Variants in CREB5 observed in about 807,000 individuals in gnomAD.
CREB5 encodes cyclic AMP-responsive element-binding protein 5.
A neutral mutation model predicts 57.1 loss-of-function variants in CREB5; 19 were observed. The ratio of observed to expected loss-of-function variants is 0.33; its 90% CI spans 0.23 to 0.49. The LOEUF is 0.49. Among genes scored for constraint, CREB5 ranks in the 20% least tolerant of loss-of-function variants. The pLI, the probability that CREB5 is intolerant of heterozygous loss-of-function variation, is 0.99. For missense variants in CREB5, 579 were observed against 671.6 expected, an observed-to-expected ratio of 0.86 and a Z score of 1.52; for synonymous variants, 238 against 238.3, an observed-to-expected ratio of 1.00 and a Z score of 0.01.
At chr7:28,734,206 CAAAAAAA>C (rs61403862) in intron 7 of CREB5, among the ~76,000 whole-genome samples, 86 of 96,424 alleles carry the variant, frequency 8.9e-4, no homozygotes, top group African/African-American at 1.4e-3. Context: ...TTCAGTAGTT[CAAAAAAA>C]AAAAAAAAAA....
At chr7:28,757,516 C>CA (rs1365336826) in intron 7 of CREB5, among the ~76,000 whole-genome samples, 6 of 151,676 alleles carry the variant, frequency 4.0e-5, no homozygotes, top group South Asian at 2.1e-4. Context: ...ACTAAAAATA[C>CA]AAAAAAATTA....
chr7:28,412,316 A>G (rs1237762592), upstream of CREB5, among the ~76,000 whole-genome samples: 1 of 151,734 alleles, frequency 6.6e-6, no homozygotes, highest in Non-Finnish European at 1.5e-5. Flanking sequence ...TTATCTCAGT[A>G]GCGATATTTT....
At chr7:28,518,888 CAT>C (rs552625017) in intron 4 of CREB5, among the ~76,000 whole-genome samples, 120 of 152,332 alleles carry the variant, frequency 7.9e-4, no homozygotes, top group Middle Eastern at 6.8e-3. Context: ...AAAAGTCACA[CAT>C]GACTTTATTT....
intron 1 of CREB5, among the ~76,000 whole-genome samples, chr7:28,446,484 C>T (rs985302741): frequency 5.3e-5 from 8 of 152,132 alleles, no homozygotes; most frequent in Non-Finnish European, 1.5e-5. Flanking sequence ...TCTCTGAATC[C>T]AATTCTTTAT....
At chr7:28,445,697 G>A (rs544690340) in intron 1 of CREB5, among the ~76,000 whole-genome samples, 29 of 152,002 alleles carry the variant, frequency 1.9e-4, no homozygotes, top group South Asian at 1.9e-3. Flanking sequence ...GACTACAGGC[G>A]CCCGCCACCA....
intron 1 of CREB5, among the ~76,000 whole-genome samples, chr7:28,486,601 G>A (rs571060370): frequency 1.7e-4 from 24 of 144,788 alleles, no homozygotes; most frequent in Non-Finnish European, 2.9e-4. Context: ...AAAAAAAGAG[G>A]GGGGGTATGA....
intron 1 of CREB5, among the ~76,000 whole-genome samples, chr7:28,382,546 G>A (rs1488071140): frequency 2.0e-5 from 3 of 152,062 alleles, no homozygotes; most frequent in African/African-American, 4.8e-5. Context: ...AAAGTCTATT[G>A]TTCATTGTAG....
intron 5 of CREB5, among the ~76,000 whole-genome samples, chr7:28,605,191 G>A (rs983165839): frequency 6.6e-6 from 1 of 152,192 alleles, no homozygotes; most frequent in African/African-American, 2.4e-5. Flanking sequence ...ACCTTTGCCT[G>A]GTTCTGACAA....
intron 1 of CREB5, among the ~76,000 whole-genome samples, chr7:28,313,549 T>C (rs774374293): frequency 1.4e-4 from 22 of 152,230 alleles, no homozygotes; most frequent in Non-Finnish European, 2.6e-4. Context: ...GAATCTGATC[T>C]ATTCCTGGGA....
chr7:28,778,278 T>A (rs28464882), intron 7 of CREB5, among the ~76,000 whole-genome samples: 100,917 of 152,136 alleles, frequency 0.66, 34,083 homozygotes, highest in East Asian at 0.84. Flanking sequence ...ATGTTAAGCC[T>A]ACCAGTGACA....
intron 1 of CREB5, among the ~76,000 whole-genome samples, chr7:28,318,392 C>A (rs1785418950): frequency 6.6e-6 from 1 of 152,152 alleles, no homozygotes; most frequent in South Asian, 2.1e-4. Context: ...AAGTGTGCTG[C>A]AAAAATGAAT....
chr7:28,702,912 G>T (rs1421045450), intron 5 of CREB5, among the ~76,000 whole-genome samples: 1 of 152,178 alleles, frequency 6.6e-6, no homozygotes, highest in Non-Finnish European at 1.5e-5. Context: ...AAGATCAAAA[G>T]ATGCTTCAAG....
chr7:28,470,650 C>T (rs1562739166), intron 1 of CREB5, among the ~76,000 whole-genome samples: 1 of 152,132 alleles, frequency 6.6e-6, no homozygotes, highest in African/African-American at 2.4e-5. Context: ...GAGAAGCCTC[C>T]AAATGGTTGT....
intron 1 of CREB5, among the ~76,000 whole-genome samples, chr7:28,434,101 C>T (rs1164038201): frequency 6.6e-6 from 1 of 152,046 alleles, no homozygotes; most frequent in Non-Finnish European, 1.5e-5. Context: ...CTGATTCCGG[C>T]TCAGAGTGAG....
intron 4 of CREB5, among the ~76,000 whole-genome samples, chr7:28,546,704 T>A (rs565843906): frequency 6.6e-6 from 1 of 152,204 alleles, no homozygotes; most frequent in African/African-American, 2.4e-5. Flanking sequence ...TTTAGGACTA[T>A]TTTTATGAGC....
intron 1 of CREB5, among the ~76,000 whole-genome samples, chr7:28,403,161 C>G (rs1033693322): frequency 1.3e-5 from 2 of 152,152 alleles, no homozygotes; most frequent in Non-Finnish European, 2.9e-5. Flanking sequence ...CTCTGTTGCC[C>G]ACAGACTCAG....
At chr7:28,468,369 A>G (rs1282425539) in intron 1 of CREB5, among the ~76,000 whole-genome samples, 1 of 152,218 alleles carries the variant, frequency 6.6e-6, no homozygotes, top group African/African-American at 2.4e-5. Context: ...AGACTAAAGC[A>G]TCAGATGTGT....
intron 5 of CREB5, among the ~76,000 whole-genome samples, chr7:28,712,882 G>T (rs1304973462): frequency 6.6e-6 from 1 of 151,818 alleles, no homozygotes; most frequent in East Asian, 1.9e-4. Context: ...GAGTAAATAA[G>T]CATTTTGCAT....
intron 1 of CREB5, among the ~76,000 whole-genome samples, chr7:28,445,635 T>A (rs1287138813): frequency 2.0e-5 from 3 of 151,928 alleles, no homozygotes; most frequent in Admixed American, 2.0e-4. Context: ...CACTGCAAGC[T>A]CCGCCTCCCA....
Sources: gnomAD v4.1 joint callset for allele counts (sites outside exome capture counted in the v4.1 genomes callset) on GRCh38, gnomAD v4.1.1 for gene constraint, MANE v1.5 for transcripts, NCBI Gene and HGNC (gene_info 2026-07-23, HGNC 2026-07-21) for gene names.